Variants in NCOA2 observed in about 807,000 individuals in gnomAD.
NCOA2 encodes the protein class E basic helix-loop-helix protein 75.
In NCOA2, 21 loss-of-function variants were observed where a neutral mutation model predicts 145.1. The ratio of observed to expected loss-of-function variants is 0.14; its 90% CI spans 0.10 to 0.21. NCOA2 has a LOEUF of 0.21. NCOA2 is among the 10% of genes least tolerant of loss of function. The pLI, the probability that NCOA2 is intolerant of heterozygous loss-of-function variation, is 1.00. For synonymous variants in NCOA2, 619 were observed against 637.5 expected, an observed-to-expected ratio of 0.97 and a Z score of 0.44; for missense variants, 1,472 against 1,837.6, an observed-to-expected ratio of 0.80 and a Z score of 3.64.
At chr8:70,212,167 T>C (rs762236727) in intron 4 of NCOA2, among the ~76,000 whole-genome samples, 9 of 151,804 alleles carry the variant, frequency 5.9e-5, no homozygotes, top group Non-Finnish European at 1.2e-4. Context: ...TTCATAATCC[T>C]TAGAAACCTA....
intron 1 of NCOA2, among the ~76,000 whole-genome samples, chr8:70,400,214 G>A (rs1488404189): frequency 6.6e-6 from 1 of 152,094 alleles, no homozygotes; most frequent in Non-Finnish European, 1.5e-5. Flanking sequence ...TAATTGGTGA[G>A]CTCCTTTTCT....
At chr8:70,402,738 C>T (rs1814433671) in intron 1 of NCOA2, among the ~76,000 whole-genome samples, 1 of 151,924 alleles carries the variant, frequency 6.6e-6, no homozygotes, top group East Asian at 1.9e-4. Context: ...GAAAAGGGGG[C>T]GCTGGCGAGC....
chr8:70,437,765 A>C, the NCOA2 span, among the ~76,000 whole-genome samples: 2 of 152,232 alleles, frequency 1.3e-5, no homozygotes, highest in East Asian at 3.8e-4. Flanking sequence ...AATGTACAGC[A>C]AAAAATATTA....
At chr8:70,394,447 G>A (rs1318944958) in intron 1 of NCOA2, among the ~76,000 whole-genome samples, 8 of 152,136 alleles carry the variant, frequency 5.3e-5, no homozygotes, top group East Asian at 1.9e-4. Flanking sequence ...GAGTCACCGC[G>A]CCTGGCCAAA....
chr8:70,353,389 A>C (rs1809412110), intron 1 of NCOA2, among the ~76,000 whole-genome samples: 1 of 150,544 alleles, frequency 6.6e-6, no homozygotes, highest in African/African-American at 2.5e-5. Flanking sequence ...TGTTGGGATT[A>C]AAGGGGGGTG....
At chr8:70,405,693 A>C (rs113307982), upstream of NCOA2, among the ~76,000 whole-genome samples, 1 of 148,678 alleles carries the variant, frequency 6.7e-6, no homozygotes, top group East Asian at 2.3e-4. Context: ...ATAAAAATTT[A>C]AAAAAAAGAT....
intron 1 of NCOA2, among the ~76,000 whole-genome samples, chr8:70,345,555 A>G (rs1172590086): frequency 2.0e-5 from 3 of 152,250 alleles, no homozygotes; most frequent in Non-Finnish European, 4.4e-5. Context: ...ATGATGAATC[A>G]TTCATAATTT....
chr8:70,332,499 T>C (rs1807202620), intron 1 of NCOA2, among the ~76,000 whole-genome samples: 1 of 152,166 alleles, frequency 6.6e-6, no homozygotes, highest in Non-Finnish European at 1.5e-5. Flanking sequence ...TCTGTGGAAG[T>C]TGATAGAAAA....
chr8:70,443,548 A>G, the NCOA2 span, among the ~76,000 whole-genome samples: 11 of 151,870 alleles, frequency 7.2e-5, no homozygotes, highest in African/African-American at 2.7e-4. Context: ...GCTCTGTTCT[A>G]TTTTTCTATC....
intron 1 of NCOA2, among the ~76,000 whole-genome samples, chr8:70,320,690 T>C (rs570990204): frequency 6.6e-6 from 1 of 152,212 alleles, no homozygotes; most frequent in African/African-American, 2.4e-5. Flanking sequence ...TGAGCATATA[T>C]ATCAAAATAC....
chr8:70,323,448 A>G (rs892092640), intron 1 of NCOA2, among the ~76,000 whole-genome samples: 7 of 152,240 alleles, frequency 4.6e-5, no homozygotes, highest in Admixed American at 2.0e-4. Flanking sequence ...ATGAAACATA[A>G]GTAATGCTGA....
intron 1 of NCOA2, among the ~76,000 whole-genome samples, chr8:70,359,832 G>A (rs773356892): frequency 6.6e-6 from 1 of 152,012 alleles, no homozygotes; most frequent in African/African-American, 2.4e-5. Flanking sequence ...TAAACACTGA[G>A]GTAATCACTC....
intron 15 of NCOA2, 103 bp downstream of exon 15, chr8:70,138,100 T>C: frequency 3.2e-6 from 4 of 1,259,590 alleles, no homozygotes; most frequent in Non-Finnish European, 3.3e-6. Context: ...GATAATATAG[T>C]ACCAATAAAT....
chr8:70,163,807 C>T (rs1409598160), intron 7 of NCOA2, among the ~76,000 whole-genome samples: 1 of 152,016 alleles, frequency 6.6e-6, no homozygotes, highest in African/African-American at 2.4e-5. Flanking sequence ...CTGCCAAGTC[C>T]CCGCGATACA....
Position 70,124,866 on chromosome 8 carries a change from CT to C in NCOA2, c.3917-2del. On this transcript the variant is annotated splice_acceptor_variant, in intron 19 of 22. Coordinates refer to ENST00000452400, the MANE Select transcript of NCOA2 (RefSeq NM_006540.4). LOFTEE classifies it high-confidence loss of function. ...CCTGGATCAGGTTGCTGACTTATTC[CT>C]TAAAAAAAAAAACAGAAACAGAAAT... 1 of 1,561,272 alleles carries C rather than the reference CT, an allele frequency of 6.4e-7. No individual in the cohort carries two copies. The highest frequency in any genetic ancestry group is 2.3e-5 in the East Asian group (1 of 43,930).
chr8:70,121,456 A>C (rs1347767896), intron 21 of NCOA2, 65 bp from the exon 22 acceptor site: 1 of 1,279,554 alleles, frequency 7.8e-7, no homozygotes, highest in Non-Finnish European at 1.1e-6. Flanking sequence ...ACTGGAAAAC[A>C]AGTGGCCGCC....
intron 1 of NCOA2, among the ~76,000 whole-genome samples, chr8:70,372,658 G>A (rs1811325288): frequency 6.6e-6 from 1 of 152,138 alleles, no homozygotes; most frequent in Non-Finnish European, 1.5e-5. Flanking sequence ...ATATACTGAT[G>A]TGTATAAATG....
In NCOA2 at chr8:70,366,295, T is replaced by C. The variant is rs545407833; in HGVS notation, c.-77+37405A>G. ...AAAAGGACACAGACTGATGAAAGTA[T>C]GTTCTCAACTGTTAAAAGAGGGGGG... On this transcript the variant is annotated intron_variant, in intron 1 of 22. Transcript: ENST00000452400. 2.0e-4 allele frequency among the ~76,000 whole-genome samples: 30 copies of C among 152,202 alleles called. 1 individual carries two copies. In the South Asian group the frequency reaches 5.8e-3, roughly 29 times the overall value.
chr8:70,407,632 CAAA>C (rs764097685), upstream of NCOA2, among the ~76,000 whole-genome samples: 1 of 125,496 alleles, frequency 8.0e-6, no homozygotes, highest in Non-Finnish European at 1.7e-5. Flanking sequence ...ACTAAAAATA[CAAA>C]AAAAAAAAAA....
Sources: allele counts gnomAD v4.1 joint callset (sites outside exome capture counted in the v4.1 genomes callset), GRCh38; gene constraint gnomAD v4.1.1; transcripts MANE v1.5; gene names NCBI Gene and HGNC (gene_info 2026-07-23, HGNC 2026-07-21).